Variants in CLOCK observed in about 807,000 individuals in gnomAD.
CLOCK encodes the protein clock circadian regulator.
A neutral mutation model predicts 118.4 loss-of-function variants in CLOCK; 43 were observed. The observed-to-expected ratio is 0.36, with a 90% CI of 0.28 to 0.47. CLOCK has a LOEUF of 0.47. Among genes scored for constraint, CLOCK ranks in the 20% least tolerant of loss-of-function variants. The probability of loss-of-function intolerance (pLI) is 1.00; values close to 1 mark genes in which losing one functional copy is unlikely to be tolerated. For missense variants in CLOCK, 846 were observed against 999.9 expected (o/e 0.85, Z 2.08); for synonymous variants, 326 against 339.2 (o/e 0.96, Z 0.43).
intron 7 of CLOCK, among the ~76,000 whole-genome samples, chr4:55,471,487 G>A (rs1238528476): frequency 6.6e-6 from 1 of 152,028 alleles, no homozygotes; most frequent in East Asian, 1.9e-4. Flanking sequence ...AGTGGCTTTT[G>A]GACTAATTAA....
intron 1 of CLOCK, among the ~76,000 whole-genome samples, chr4:55,516,525 T>C (rs1577838714): frequency 1.0e-5 from 1 of 96,140 alleles, no homozygotes; most frequent in African/African-American, 3.4e-5. Flanking sequence ...ATTCATGCTT[T>C]CTTTCGGTTA....
chr4:55,476,017 C>A lies in CLOCK; in HGVS notation c.294G>T (p.Gln98His). The A allele has an allele frequency of 6.2e-7, 1 of 1,613,092 alleles. No homozygotes were observed. Residue 98 changes from glutamine (Q) to histidine (H), a missense_variant, in exon 7 of 23, where the codon CAG becomes CAT. By Grantham distance (24) the Gln-to-His change is conservative (BLOSUM62 0). Coordinates refer to ENST00000513440, the MANE Select transcript of CLOCK (RefSeq NM_004898.4). ...TACTAAGGAATGTAGGTTTCCAGTC[C>A]TGTCGAATTTCACTAGCATCTGACT... ...TAQSDASEIR[Q>H]DWKPTFLSNE...
intron 2 of CLOCK, among the ~76,000 whole-genome samples, chr4:55,502,955 C>A (rs1728533805): frequency 6.6e-6 from 1 of 152,184 alleles, no homozygotes; most frequent in African/African-American, 2.4e-5. Flanking sequence ...TAGACCTTTA[C>A]TACATATGCT....
At chr4:55,502,652 G>A (rs1027502276) in intron 2 of CLOCK, among the ~76,000 whole-genome samples, 2 of 152,128 alleles carry the variant, frequency 1.3e-5, no homozygotes, top group South Asian at 2.1e-4. Context: ...CATAAAAAGC[G>A]TTAACCATAA....
In CLOCK at chr4:55,441,796, TA is replaced by T. The variant is rs1723391267; in HGVS notation, c.2105+635del. On this transcript the variant is annotated intron_variant, in intron 21 of 22. Coordinates refer to ENST00000513440, the MANE Select transcript of CLOCK (RefSeq NM_004898.4). ...TGCACTACTCAGGTGATCAGTGCAC[TA>T]AAATAAGTTATAGATGGTTGTTTTT... Among the ~76,000 whole-genome samples the T allele has an allele frequency of 3.9e-5, 6 of 152,164 alleles. 1 individual carries two copies. The South Asian group carries it at 1.2e-3, about 32-fold the overall frequency.
Position 55,433,362 on chromosome 4 carries a change from T to G in CLOCK, c.*2053A>C, listed in dbSNP as rs772458916. 7 of 152,626 alleles carry G rather than the reference T, an allele frequency of 4.6e-5. No individual in the cohort carries two copies. Among genetic ancestry groups the G allele is most frequent in the African/African-American group, 7.2e-5 (3 of 41,442 alleles). The allele number at this position is 152,626 out of a possible 1,614,324, so 9.5% of individuals were successfully genotyped here. On this transcript the variant is annotated 3_prime_UTR_variant, in exon 23 of 23. Transcript: ENST00000513440. ...AGGGTAAGTACCAATTTTCTTTGGT[T>G]GTTTTCTTTTTCAACATTAATGTTC... is the stretch of plus-strand genomic sequence containing the variant.
At position 55,503,978 on chromosome 4, in the gene CLOCK, T is replaced by TATA. The variant is rs1553900257; in HGVS notation, c.-136+5933_-136+5934insTAT. Among the ~76,000 whole-genome samples, 3 of 71,130 alleles carry TATA rather than the reference T, an allele frequency of 4.2e-5. No individual in the cohort carries two copies. In the Admixed American group the frequency reaches 6.8e-4, roughly 16 times the overall value. 46.7% of individuals were successfully genotyped at this position (71,130 alleles called of 152,430 possible). A position where few individuals can be genotyped will look rare whatever the true frequency, so the allele number is the denominator to read the frequency against. ...ACAGTTTCTATTTGGCAAAAAGAGG[T>TATA]AAAAAAAAAAAAAAAAAAAAAAAAA... is the stretch of plus-strand genomic sequence containing the variant. On this transcript the variant is annotated intron_variant, in intron 2 of 22. Coordinates refer to ENST00000513440, the MANE Select transcript of CLOCK (RefSeq NM_004898.4).
chr4:55,524,776 T>C (rs1730064246), intron 1 of CLOCK, among the ~76,000 whole-genome samples: 1 of 152,226 alleles, frequency 6.6e-6, no homozygotes, highest in African/African-American at 2.4e-5. Context: ...GTGAAACATC[T>C]TTCTGTAATT....
rs764580117 is a variant in CLOCK, at chr4:55,449,532, TATAAA to T, written c.1349-41_1349-37del. 4 of 1,496,298 alleles carry T rather than the reference TATAAA, an allele frequency of 2.7e-6. No homozygotes were observed. The South Asian group carries it at 3.4e-5, about 13-fold the overall frequency. The allele number at this position is 1,496,298 out of a possible 1,614,324, so 92.7% of individuals were successfully genotyped here. A position where few individuals can be genotyped will look rare whatever the true frequency, so the allele number is the denominator to read the frequency against. On this transcript the variant is annotated intron_variant, in intron 16 of 22. Coordinates refer to ENST00000513440, the MANE Select transcript of CLOCK (RefSeq NM_004898.4). Reference sequence around the variant, plus strand: ...CAAAATCAGAAGAGCATTAGTACTTTATAAAATATAGTTTTTAAAGATTAATCTCA... The same window carrying T: ...CAAAATCAGAAGAGCATTAGTACTTTATATAGTTTTTAAAGATTAATCTCA...
At chr4:55,534,087 G>A (rs932612438) in intron 1 of CLOCK, among the ~76,000 whole-genome samples, 2 of 152,094 alleles carry the variant, frequency 1.3e-5, no homozygotes, top group African/African-American at 4.8e-5. Flanking sequence ...TTGTACATTT[G>A]TTTGCCATTT....
chr4:55,526,687 G>A lies in CLOCK; in HGVS notation c.-289-16622C>T, dbSNP rs142575146. ...CTCTAGGCCGGGCACGGTGGCTCAC[G>A]CCTGTAATCCCAGCACTTTGGGAGG... On this transcript the variant is annotated intron_variant, in intron 1 of 22. Transcript: ENST00000513440. 8.0e-3 allele frequency among the ~76,000 whole-genome samples: 1,223 copies of A among 152,004 alleles called. 12 individuals carry two copies. The highest frequency in any genetic ancestry group is 0.028 in the African/African-American group (1,148 of 41,470).
chr4:55,545,151 G>C (rs1470040915), intron 1 of CLOCK, among the ~76,000 whole-genome samples: 1 of 151,422 alleles, frequency 6.6e-6, no homozygotes, highest in African/African-American at 2.4e-5. Flanking sequence ...TGCCACGCTG[G>C]TGTGCTGCAC....
Position 55,443,820 on chromosome 4 carries a change from T to C in CLOCK, c.1769A>G (p.Gln590Arg), listed in dbSNP as rs1220236526. 1 of 1,614,078 alleles carries C rather than the reference T, an allele frequency of 6.2e-7. No individual in the cohort carries two copies. Residue 590 changes from glutamine to arginine, a missense_variant, in exon 20 of 23, where the codon CAG becomes CGG. Gln to Arg is a conservative substitution (Grantham distance 43). Coordinates refer to ENST00000513440, the MANE Select transcript of CLOCK (RefSeq NM_004898.4). ...TTGCATATTTATAGGTGCAAGTTGC[T>C]GGATATTAGATGAATTTCCAGAAGA... ...QLSSGNSSNI[Q>R]QLAPINMQGQ... is the part of the protein sequence containing the mutation.
chr4:55,546,159 G>A (rs1006661527), intron 1 of CLOCK, among the ~76,000 whole-genome samples: 1 of 152,182 alleles, frequency 6.6e-6, no homozygotes, highest in African/African-American at 2.4e-5. Flanking sequence ...ACAAGGCCTA[G>A]CGGGTCCCCA....
intron 1 of CLOCK, among the ~76,000 whole-genome samples, chr4:55,523,579 T>G (rs182311786): frequency 6.6e-6 from 1 of 152,220 alleles, no homozygotes; most frequent in Admixed American, 6.5e-5. Context: ...CTACATGACA[T>G]GGGTAATGTC....
chr4:55,452,466 G>A (rs1004535619), intron 15 of CLOCK: 1 of 152,658 alleles, frequency 6.6e-6, no homozygotes, highest in African/African-American at 2.4e-5. Flanking sequence ...ACAGCCTCAT[G>A]AAAGAATCTG....
chr4:55,464,320 C>A (rs1168154206), intron 8 of CLOCK, among the ~76,000 whole-genome samples: 1 of 152,124 alleles, frequency 6.6e-6, no homozygotes. Flanking sequence ...CTCAAAAGGA[C>A]AACTAATATG....
intron 19 of CLOCK, 98 bp from the exon 20 acceptor site, chr4:55,443,994 AAAGC>A (rs1723584788): frequency 9.5e-7 from 1 of 1,056,496 alleles, no homozygotes; most frequent in Non-Finnish European, 1.4e-6. Context: ...GTATGTTTAA[AAAGC>A]AAGTAACAAG....
At chr4:55,489,093 C>G (rs1054818447) in intron 3 of CLOCK, among the ~76,000 whole-genome samples, 2 of 152,168 alleles carry the variant, frequency 1.3e-5, no homozygotes, top group African/African-American at 4.8e-5. Flanking sequence ...AAATTTCTCA[C>G]TTGTGTATTA....
Sources: gnomAD v4.1 joint callset for allele counts (sites outside exome capture counted in the v4.1 genomes callset) on GRCh38, gnomAD v4.1.1 for gene constraint, MANE v1.5 for transcripts, NCBI Gene and HGNC (gene_info 2026-07-23, HGNC 2026-07-21) for gene names.